MPV17: variants seen among roughly 807,000 people sequenced by gnomAD.
MPV17 encodes the protein MPV17, mitochondrial inner membrane protein.
A neutral mutation model predicts 28.6 loss-of-function variants in MPV17; 31 were observed. That is an observed-to-expected ratio of 1.08 (90% CI 0.81 to 1.46). MPV17 has a LOEUF of 1.46. MPV17 is among the 40% of genes most tolerant of loss of function. MPV17 has a pLI of 0.00. For synonymous variants in MPV17, 87 were observed against 85.3 expected, an observed-to-expected ratio of 1.02 and a Z score of -0.11; for missense variants, 198 against 216.2, an observed-to-expected ratio of 0.92 and a Z score of 0.53.
intron 2 of MPV17, chr2:27,313,485 T>C: frequency 2.0e-6 from 1 of 488,370 alleles, no homozygotes; most frequent in Non-Finnish European, 3.7e-6. Context: ...CCACTTATTT[T>C]AGAGGTATGG....
intron 2 of MPV17, chr2:27,316,907 G>T: frequency 1.7e-6 from 1 of 594,632 alleles, no homozygotes. Context: ...CAGTTCTCAT[G>T]CCGTCACTCC....
chr2:27,313,819 C>G (rs1050202092), intron 2 of MPV17, among the ~76,000 whole-genome samples: 1 of 152,126 alleles, frequency 6.6e-6, no homozygotes, highest in Non-Finnish European at 1.5e-5. Context: ...TCAAGCGATT[C>G]CCCTGCCTCA....
chr2:27,318,419 AGG>A, intron 2 of MPV17, among the ~76,000 whole-genome samples: 1 of 150,444 alleles, frequency 6.6e-6, no homozygotes, highest in Non-Finnish European at 1.5e-5. Flanking sequence ...GTGCAGTGGC[AGG>A]ATCTTGGTTC....
At chr2:27,322,179 C>G in intron 2 of MPV17, 1 of 554,674 alleles carries the variant, frequency 1.8e-6, no homozygotes. Context: ...TGGGGCAATG[C>G]CTTTATCCTT....
In MPV17 at chr2:27,322,197, G is replaced by A. The variant is rs139675223; in HGVS notation, c.70+251C>T. 2.0e-4 allele frequency: 116 copies of A among 579,074 alleles called. 1 individual carries two copies. The East Asian group carries it at 3.3e-3, about 17-fold the overall frequency. 35.9% of individuals were successfully genotyped at this position (579,074 alleles called of 1,614,324 possible). ...GGCAATGCCTTTATCCTTCAGGGCTGACTGTTCAGCTTTTTGAGGACTTTG... is the reference window on the plus strand; with the variant it reads ...GGCAATGCCTTTATCCTTCAGGGCTAACTGTTCAGCTTTTTGAGGACTTTG... On this transcript the variant is annotated intron_variant, in intron 2 of 7. Coordinates refer to ENST00000380044, the MANE Select transcript of MPV17 (RefSeq NM_002437.5).
intron 2 of MPV17, among the ~76,000 whole-genome samples, chr2:27,314,344 A>C (rs550592828): frequency 1.3e-5 from 2 of 151,434 alleles, no homozygotes; most frequent in East Asian, 3.9e-4. Flanking sequence ...AAAAGTAATA[A>C]AACAAGAGTG....
intron 2 of MPV17, chr2:27,316,041 G>A (rs1164932822): frequency 2.6e-6 from 4 of 1,549,066 alleles, no homozygotes; most frequent in Non-Finnish European, 8.7e-7. Context: ...CTCCCCTGCT[G>A]GGTGTTCCTG....
At chr2:27,320,186 G>A (rs1411208021) in intron 2 of MPV17, among the ~76,000 whole-genome samples, 3 of 150,792 alleles carry the variant, frequency 2.0e-5, no homozygotes, top group Non-Finnish European at 3.0e-5. Context: ...GCAGTGAGTC[G>A]AGATCACGCC....
chr2:27,312,154 C>G, intron 6 of MPV17, 60 bp downstream of exon 6: 1 of 1,582,804 alleles, frequency 6.3e-7, no homozygotes, highest in Non-Finnish European at 8.7e-7. Flanking sequence ...CCCCCCAATC[C>G]CAGGACAGTT....
In MPV17 at chr2:27,309,962, C is replaced by T; in HGVS notation, c.481G>A (p.Val161Ile). 1 of 1,614,030 alleles carries T rather than the reference C, an allele frequency of 6.2e-7. No homozygotes were observed. Among genetic ancestry groups the T allele is most frequent in the Non-Finnish European group, 8.5e-7 (1 of 1,179,916 alleles). Residue 161 changes from valine (V) to isoleucine (I), a missense_variant, in exon 8 of 8, where the codon GTT (valine) becomes ATT (isoleucine). Transcript: ENST00000380044. ...LHYRLAVVQC[V>I]AVIWNSYLSW... Reference sequence around the variant, plus strand: ...AGGTAGGAGTTCCAGATAACAGCAACACATTGGACAACGGCCAACCTAAGG... The same window carrying T: ...AGGTAGGAGTTCCAGATAACAGCAATACATTGGACAACGGCCAACCTAAGG...
At position 27,313,051 on chromosome 2, in the gene MPV17, C is replaced by A; in HGVS notation, c.129G>T (p.Leu43=). ...ISQQLVERRG[L]QEHQRGRTLT... ...GAGTCCGGCCTCTCTGGTGTTCCTG[C>A]AGACCCCGCCTCTCCACCAGCTGCT... The change falls in exon 3 of 8, where the codon CTG becomes CTT. Residue 43 remains leucine, a synonymous_variant. Coordinates refer to ENST00000380044, the MANE Select transcript of MPV17 (RefSeq NM_002437.5). 6.2e-7 allele frequency: 1 copy of A among 1,614,188 alleles called. No homozygotes were observed. The highest frequency in any genetic ancestry group is 8.5e-7 in the Non-Finnish European group (1 of 1,180,032).
At chr2:27,319,399 C>T (rs1275507507) in intron 2 of MPV17, among the ~76,000 whole-genome samples, 1 of 147,932 alleles carries the variant, frequency 6.8e-6, no homozygotes, top group Non-Finnish European at 1.5e-5. Flanking sequence ...GGTGCAAGCC[C>T]GCGGTCCCAA....
intron 2 of MPV17, among the ~76,000 whole-genome samples, chr2:27,313,843 C>T (rs1345609456): frequency 6.6e-6 from 1 of 152,186 alleles, no homozygotes; most frequent in Non-Finnish European, 1.5e-5. Context: ...TCTCAAGTAG[C>T]TGGGACTACA....
At chr2:27,313,252 T>C (rs1679529437) in intron 2 of MPV17, 143 bp from the exon 3 acceptor site, 1 of 1,533,326 alleles carries the variant, frequency 6.5e-7, no homozygotes, top group Non-Finnish European at 8.8e-7. Context: ...GACTAGTCCC[T>C]TCCTGCTGCC....
intron 2 of MPV17, 149 bp from the exon 3 acceptor site, chr2:27,313,258 C>A: frequency 6.6e-7 from 1 of 1,525,090 alleles, no homozygotes; most frequent in Non-Finnish European, 8.9e-7. Context: ...TCCCTTCCTG[C>A]TGCCTCAAAG....
intron 5 of MPV17, 97 bp downstream of exon 5, chr2:27,312,388 GGCCCTACCT>G: frequency 7.0e-7 from 1 of 1,435,666 alleles, no homozygotes; most frequent in Non-Finnish European, 9.8e-7. Flanking sequence ...CATGGCCTGG[GGCCCTACCT>G]GCACTTACCC....
At position 27,321,906 on chromosome 2, in the gene MPV17, C is replaced by A. The variant is rs574799107; in HGVS notation, c.70+542G>T. ...TTACGGAGAGGCACTCAAGAGGTCT[C>A]AAAGCTGATTACTGACACAGGAGTG... On this transcript the variant is annotated intron_variant, in intron 2 of 7. Transcript: ENST00000380044. The A allele has an allele frequency of 7.1e-4, 110 of 155,198 alleles. No homozygotes were observed. In the South Asian group the frequency reaches 0.017, roughly 24 times the overall value. The allele number at this position is 155,198 out of a possible 1,614,324, so 9.6% of individuals were successfully genotyped here. A position where few individuals can be genotyped will look rare whatever the true frequency, so the allele number is the denominator to read the frequency against.
At chr2:27,311,873 A>G in intron 7 of MPV17, 26 bp downstream of exon 7, 1 of 1,612,730 alleles carries the variant, frequency 6.2e-7, no homozygotes, top group Non-Finnish European at 8.5e-7. Context: ...GTCTTCCTTG[A>G]TGGGTGGGGT....
intron 2 of MPV17, among the ~76,000 whole-genome samples, chr2:27,318,689 T>C (rs1321839018): frequency 6.6e-6 from 1 of 151,904 alleles, no homozygotes; most frequent in Non-Finnish European, 1.5e-5. Flanking sequence ...GGGATGGGAG[T>C]GGCAGATAAA....
Sources: gnomAD v4.1 joint callset for allele counts (sites outside exome capture counted in the v4.1 genomes callset) on GRCh38, gnomAD v4.1.1 for gene constraint, MANE v1.5 for transcripts, NCBI Gene and HGNC (gene_info 2026-07-23, HGNC 2026-07-21) for gene names.